Variants in MAPK4 observed in about 807,000 individuals in gnomAD.
The protein encoded by MAPK4 is Erk3-related.
A neutral mutation model predicts 47.7 loss-of-function variants in MAPK4; 22 were observed. The observed-to-expected ratio is 0.46, with a 90% CI of 0.33 to 0.66. The LOEUF is 0.66. Among genes scored for constraint, MAPK4 ranks in the 30% least tolerant of loss-of-function variants. The pLI, the probability that MAPK4 is intolerant of heterozygous loss-of-function variation, is 0.02. For missense variants in MAPK4, 736 were observed against 831.7 expected (o/e 0.88, Z 1.42); for synonymous variants, 390 against 365.7 (o/e 1.07, Z -0.76).
At position 50,678,667 on chromosome 18, in the gene MAPK4, A is replaced by G. The variant is rs1415594510; in HGVS notation, c.546+14163A>G. 6.6e-6 allele frequency among the ~76,000 whole-genome samples: 1 copy of G among 152,198 alleles called. No homozygotes were observed. The highest frequency in any genetic ancestry group is 2.4e-5 in the African/African-American group (1 of 41,428). ...CCCTTTTTCAATAATTCCCAAAAAT[A>G]TATAAAATGAACAGGCCTTGGTCCC... On this transcript the variant is annotated intron_variant, in intron 2 of 5. Coordinates refer to ENST00000400384, the MANE Select transcript of MAPK4 (RefSeq NM_002747.4). This position sits in a 1 kb window ranked among gnomAD's most constrained non-coding sequence, Gnocchi z 4.2.
chr18:50,645,737 A>T (rs1160949773), intron 1 of MAPK4, among the ~76,000 whole-genome samples: 1 of 152,102 alleles, frequency 6.6e-6, no homozygotes, highest in East Asian at 1.9e-4. Context: ...CATTTAATTC[A>T]CTCAGGCAGC....
chr18:50,645,328 G>A (rs1232897159), intron 1 of MAPK4, among the ~76,000 whole-genome samples: 1 of 152,174 alleles, frequency 6.6e-6, no homozygotes, highest in Admixed American at 6.5e-5. Flanking sequence ...AATGACAGCT[G>A]CGATTAAAGA....
intron 1 of MAPK4, among the ~76,000 whole-genome samples, chr18:50,656,943 G>T (rs11662719): frequency 0.33 from 50,514 of 152,070 alleles, 9,421 homozygotes; most frequent in Non-Finnish European, 0.41. Flanking sequence ...TTAAACAGCA[G>T]TAGGGCTTAA....
intron 1 of MAPK4, 62 bp from the exon 2 acceptor site, chr18:50,663,027 G>A (rs1287635888): frequency 1.3e-5 from 2 of 152,250 alleles, no homozygotes; most frequent in Admixed American, 6.5e-5. Context: ...AACAAAAGAC[G>A]CAAGTGGGAA....
At chr18:50,590,978 A>AC (rs1388178562) in intron 1 of MAPK4, among the ~76,000 whole-genome samples, 1 of 152,222 alleles carries the variant, frequency 6.6e-6, no homozygotes, top group Non-Finnish European at 1.5e-5. Flanking sequence ...CATTTAAGGA[A>AC]CCTATTCTTG....
intron 1 of MAPK4, among the ~76,000 whole-genome samples, chr18:50,649,973 G>T (rs915496060): frequency 5.9e-5 from 9 of 152,192 alleles, no homozygotes; most frequent in Non-Finnish European, 8.8e-5. Context: ...AAGTGTGTTG[G>T]CTGGGGCCCC....
At chr18:50,713,044 A>G (rs1166647474) in intron 2 of MAPK4, among the ~76,000 whole-genome samples, 1 of 152,230 alleles carries the variant, frequency 6.6e-6, no homozygotes, top group African/African-American at 2.4e-5. Flanking sequence ...TCAAAAGGCT[A>G]CATACTGTCA....
chr18:50,592,530 C>T (rs79631263), intron 1 of MAPK4, among the ~76,000 whole-genome samples: 7 of 147,342 alleles, frequency 4.8e-5, no homozygotes, highest in Admixed American at 6.7e-5. Context: ...CAACCCCCCC[C>T]GCTTGGTGTC....
chr18:50,575,792 C>CAAAAA (rs540138636), intron 1 of MAPK4, among the ~76,000 whole-genome samples: 7 of 70,152 alleles, frequency 1.0e-4, no homozygotes, highest in African/African-American at 1.7e-4. Context: ...AATCAACAAG[C>CAAAAA]AAAAAAAAAA....
intron 1 of MAPK4, among the ~76,000 whole-genome samples, chr18:50,637,702 G>A (rs2042900056): frequency 6.6e-6 from 1 of 152,218 alleles, no homozygotes; most frequent in South Asian, 2.1e-4. Context: ...TTTTCTCACA[G>A]TTCTGGAGGC....
intron 1 of MAPK4, among the ~76,000 whole-genome samples, chr18:50,609,884 C>T (rs1176861716): frequency 2.0e-5 from 3 of 152,124 alleles, no homozygotes; most frequent in African/African-American, 7.2e-5. Context: ...GGTCATGAAG[C>T]CTGGATCCTG....
chr18:50,564,030 T>C (rs2042177335), intron 1 of MAPK4, among the ~76,000 whole-genome samples: 1 of 152,144 alleles, frequency 6.6e-6, no homozygotes. Flanking sequence ...TTCTTGGTGC[T>C]CCTGAAACCA....
At chr18:50,566,367 T>C (rs2042198191) in intron 1 of MAPK4, among the ~76,000 whole-genome samples, 1 of 152,184 alleles carries the variant, frequency 6.6e-6, no homozygotes, top group African/African-American at 2.4e-5. Context: ...TGCTTGCCCA[T>C]TGAATAATTG....
At chr18:50,692,857 G>A (rs1489283856) in intron 2 of MAPK4, among the ~76,000 whole-genome samples, 1 of 152,164 alleles carries the variant, frequency 6.6e-6, no homozygotes, top group Non-Finnish European at 1.5e-5. Flanking sequence ...TGGCTTCCCA[G>A]TAGAGTCTGG....
chr18:50,729,039 T>G, intron 5 of MAPK4, 119 bp from the exon 6 acceptor site: 25 of 832,008 alleles, frequency 3.0e-5, no homozygotes, highest in Non-Finnish European at 4.4e-5. Context: ...CCTCCCACCT[T>G]GAGGGATGGG....
chr18:50,612,287 AT>A (rs1292759377), intron 1 of MAPK4, among the ~76,000 whole-genome samples: 1 of 152,244 alleles, frequency 6.6e-6, no homozygotes. Context: ...CTGCAGTCCT[AT>A]AATATTTTCC....
intron 2 of MAPK4, among the ~76,000 whole-genome samples, chr18:50,709,359 G>A (rs1263035237): frequency 1.3e-5 from 2 of 152,314 alleles, no homozygotes; most frequent in African/African-American, 4.8e-5. Flanking sequence ...GGAATTGGGG[G>A]AAGCGTGATG....
At chr18:50,725,904 C>G (rs1280333791) in intron 4 of MAPK4, 58 bp from the exon 5 acceptor site, 7 of 1,365,284 alleles carry the variant, frequency 5.1e-6, no homozygotes, top group African/African-American at 4.3e-5. Context: ...TGAGGAATCT[C>G]CTTCTGAGCT....
At chr18:50,615,995 G>T (rs372370384) in intron 1 of MAPK4, among the ~76,000 whole-genome samples, 7 of 152,230 alleles carry the variant, frequency 4.6e-5, no homozygotes, top group African/African-American at 1.7e-4. Flanking sequence ...TCCATAAAAT[G>T]AGGGATTTGG....
Sources: gnomAD v4.1 joint callset for allele counts (sites outside exome capture counted in the v4.1 genomes callset) on GRCh38, gnomAD v4.1.1 for gene constraint, Gnocchi (gnomAD v3.1) non-coding constraint, MANE v1.5 for transcripts, NCBI Gene and HGNC (gene_info 2026-07-23, HGNC 2026-07-21) for gene names.